Variants in PALS1 observed in about 807,000 individuals in gnomAD.
The protein encoded by PALS1 is protein associated with LIN7 1, MAGUK p55 family member.
A neutral mutation model predicts 78.9 loss-of-function variants in PALS1; 31 were observed. The observed-to-expected ratio is 0.39, with a 90% CI of 0.30 to 0.53. The LOEUF (loss-of-function observed/expected upper bound fraction) is 0.53, where lower values mean the gene tolerates loss of function less well. PALS1 is among the 20% of genes least tolerant of loss of function. PALS1 has a pLI of 0.67. For missense variants in PALS1, 704 were observed against 826.5 expected (o/e 0.85, Z 1.82); for synonymous variants, 276 against 270.9 (o/e 1.02, Z -0.18).
intron 1 of PALS1, among the ~76,000 whole-genome samples, chr14:67,256,818 A>C (rs2084152137): frequency 6.6e-6 from 1 of 152,058 alleles, no homozygotes; most frequent in Non-Finnish European, 1.5e-5. Flanking sequence ...ACACACACAC[A>C]CACACATGAA....
At position 67,333,604 on chromosome 14, in the gene PALS1, T is replaced by C. The variant is rs1668284421; in HGVS notation, c.*648T>C. On this transcript the variant is annotated 3_prime_UTR_variant, in exon 15 of 15. Coordinates refer to ENST00000261681, the MANE Select transcript of PALS1 (RefSeq NM_022474.4). ...AGCACCAGTTTTTTTGCTCAGACTT[T>C]GTGGATCAGACTCTACACTCAACAC... 1 of 152,626 alleles carries C rather than the reference T, an allele frequency of 6.6e-6. No homozygotes were observed. Among genetic ancestry groups the C allele is most frequent in the African/African-American group, 2.4e-5 (1 of 41,450 alleles). The allele number at this position is 152,626 out of a possible 1,614,324, so 9.5% of individuals were successfully genotyped here.
At chr14:67,318,533 A>G (rs1239872890) in intron 11 of PALS1, among the ~76,000 whole-genome samples, 1 of 152,240 alleles carries the variant, frequency 6.6e-6, no homozygotes. Context: ...CACTGAGTCT[A>G]TAAATTAAAA....
At chr14:67,289,906 G>T (rs912500036) in intron 3 of PALS1, among the ~76,000 whole-genome samples, 4 of 151,910 alleles carry the variant, frequency 2.6e-5, no homozygotes, top group African/African-American at 9.7e-5. Context: ...GAGTAGCTGG[G>T]ACTACAGGCA....
Position 67,303,540 on chromosome 14 carries a change from T to C in PALS1, c.982T>C (p.Leu328=), listed in dbSNP as rs1388462324. 6.2e-7 allele frequency: 1 copy of C among 1,613,546 alleles called. No individual in the cohort carries two copies. The highest frequency in any genetic ancestry group is 8.5e-7 in the Non-Finnish European group (1 of 1,179,608). Residue 328 remains leucine, a synonymous_variant, in exon 8 of 15, where the codon TTG becomes CTG. Transcript: ENST00000261681. ...ATTACAGTCTGATATGCATGGTACT[T>C]TGACTTTTGTCCTGATTCCCAGTCA... is the stretch of plus-strand genomic sequence containing the variant. ...FDLLSDMHGT[L]TFVLIPSQQI...
At chr14:67,317,681 G>T (rs2085198629) in intron 11 of PALS1, among the ~76,000 whole-genome samples, 1 of 152,152 alleles carries the variant, frequency 6.6e-6, no homozygotes, top group Non-Finnish European at 1.5e-5. Flanking sequence ...AGCATATGTA[G>T]TATTAAATTG....
At chr14:67,314,377 G>A (rs1011376960) in intron 9 of PALS1, among the ~76,000 whole-genome samples, 4 of 152,178 alleles carry the variant, frequency 2.6e-5, no homozygotes, top group Non-Finnish European at 4.4e-5. Flanking sequence ...TTCTTTTTGA[G>A]TATAAGGTCA....
chr14:67,304,761 G>C (rs1417571716), intron 8 of PALS1, among the ~76,000 whole-genome samples: 1 of 152,120 alleles, frequency 6.6e-6, no homozygotes, highest in African/African-American at 2.4e-5. Flanking sequence ...CCATCCAATT[G>C]TGTACATGAG....
At chr14:67,323,261 G>GTGTATATA (rs1429954753) in intron 13 of PALS1, among the ~76,000 whole-genome samples, 1,496 of 124,162 alleles carry the variant, frequency 0.012, 42 homozygotes, top group African/African-American at 0.038. Context: ...GTGTGTGTGT[G>GTGTATATA]TATATATATA....
At chr14:67,329,880 A>AAATG (rs1281344263) in intron 14 of PALS1, among the ~76,000 whole-genome samples, 4 of 89,652 alleles carry the variant, frequency 4.5e-5, no homozygotes, top group African/African-American at 3.8e-4. Context: ...ATAAATAAAT[A>AAATG]GATATAGAAA....
intron 9 of PALS1, 139 bp downstream of exon 9, chr14:67,312,849 G>C: frequency 3.2e-6 from 2 of 623,108 alleles, no homozygotes; most frequent in Non-Finnish European, 5.1e-6. Context: ...GGGTTTTTAT[G>C]TTGTACCTGC....
At chr14:67,328,043 T>C (rs1208845385) in intron 14 of PALS1, among the ~76,000 whole-genome samples, 4 of 152,320 alleles carry the variant, frequency 2.6e-5, no homozygotes, top group Admixed American at 1.3e-4. Flanking sequence ...TTCTAGATCC[T>C]TGAGGAATCA....
intron 12 of PALS1, 70 bp from the exon 13 acceptor site, chr14:67,320,987 A>T: frequency 1.6e-6 from 2 of 1,282,390 alleles, no homozygotes; most frequent in Non-Finnish European, 2.3e-6. Flanking sequence ...ATTCTTTCTG[A>T]CTAGCAGAAT....
intron 1 of PALS1, among the ~76,000 whole-genome samples, chr14:67,264,412 G>A (rs1325072122): frequency 2.0e-5 from 3 of 151,882 alleles, no homozygotes; most frequent in Non-Finnish European, 4.4e-5. Flanking sequence ...TTTGTTGCCT[G>A]TGCTTTTGGG....
intron 8 of PALS1, chr14:67,311,916 G>A (rs2085096836): frequency 6.6e-6 from 1 of 152,604 alleles, no homozygotes; most frequent in Admixed American, 6.5e-5. Flanking sequence ...AACGCCAAGA[G>A]AGTTTAAGGC....
intron 1 of PALS1, among the ~76,000 whole-genome samples, chr14:67,264,114 TGTC>T (rs1381395608): frequency 6.6e-6 from 1 of 152,238 alleles, no homozygotes; most frequent in Non-Finnish European, 1.5e-5. Flanking sequence ...GATTAGATGA[TGTC>T]GTGGACATGC....
rs1193460015 is a variant in PALS1 at position 67,280,826 on chromosome 14, T to TCCTTCCTTC, written c.367+1291_367+1299dup. 6.0e-4 allele frequency among the ~76,000 whole-genome samples: 78 copies of TCCTTCCTTC among 129,742 alleles called. 1 individual carries two copies. The highest frequency in any genetic ancestry group is 2.6e-3 in the African/African-American group (76 of 29,714). The allele number at this position is 129,742 out of a possible 152,430, so 85.1% of individuals were successfully genotyped here. On this transcript the variant is annotated intron_variant, in intron 3 of 14. Coordinates refer to ENST00000261681, the MANE Select transcript of PALS1 (RefSeq NM_022474.4). ...TTCCTTCCTTCCTTCCTTCCTTCCT[T>TCCTTCCTTC]CCTTCCTTCCTTCCTTCCTTCCTTC...
At chr14:67,292,835 A>G (rs2084795650) in intron 4 of PALS1, 116 bp downstream of exon 4, 1 of 766,550 alleles carries the variant, frequency 1.3e-6, no homozygotes, top group South Asian at 2.3e-5. Flanking sequence ...ATTACTGTTA[A>G]TTACATGTTA....
chr14:67,316,257 T>A (rs2085174059), intron 9 of PALS1, among the ~76,000 whole-genome samples: 1 of 152,184 alleles, frequency 6.6e-6, no homozygotes, highest in Non-Finnish European at 1.5e-5. Flanking sequence ...ATTAAAATAT[T>A]AATTTTGTAA....
intron 13 of PALS1, among the ~76,000 whole-genome samples, chr14:67,323,393 T>C (rs1465720433): frequency 6.6e-6 from 1 of 151,568 alleles, no homozygotes; most frequent in Non-Finnish European, 1.5e-5. Flanking sequence ...GGCAGGAGCA[T>C]TGCTTGAGGC....
Sources: gnomAD v4.1 joint callset for allele counts (sites outside exome capture counted in the v4.1 genomes callset) on GRCh38, gnomAD v4.1.1 for gene constraint, MANE v1.5 for transcripts, NCBI Gene and HGNC (gene_info 2026-07-23, HGNC 2026-07-21) for gene names.